Variants in DCAF6 observed in about 807,000 individuals in gnomAD.
DCAF6 encodes the protein DDB1- and CUL4-associated factor 6.
DCAF6 carries 54 observed loss-of-function variants against 125.1 expected under a neutral mutation model. That is an observed-to-expected ratio of 0.43 (90% CI 0.35 to 0.54). DCAF6 has a LOEUF of 0.54. DCAF6 is among the 20% of genes least tolerant of loss of function. The pLI is 0.01. For missense variants in DCAF6, 934 were observed against 1,161.7 expected (o/e 0.80, Z 2.85); for synonymous variants, 371 against 390.4 (o/e 0.95, Z 0.58).
intron 17 of DCAF6, 129 bp from the exon 18 acceptor site, chr1:168,063,492 G>T: frequency 1.5e-6 from 1 of 671,382 alleles, no homozygotes; most frequent in East Asian, 3.5e-5. Flanking sequence ...TTATGCTTTT[G>T]GTTGGGGGTG....
chr1:167,896,185 T>C, the DCAF6 span, among the ~76,000 whole-genome samples: 1 of 151,998 alleles, frequency 6.6e-6, no homozygotes, highest in African/African-American at 2.4e-5. Context: ...AGCACAGACA[T>C]CAAGGTGCTT....
At position 167,936,924 on chromosome 1, in the gene DCAF6, G is replaced by A. The variant is rs781123320; in HGVS notation, c.13G>A (p.Gly5Ser). MSRG[G>S]SYPHLLWDVR... ...CTCAGGCAGAGCCATGTCTCGGGGTGGCTCCTACCCACACCTGTTGTGGGA... is the reference window on the plus strand; with the variant it reads ...CTCAGGCAGAGCCATGTCTCGGGGTAGCTCCTACCCACACCTGTTGTGGGA... The change falls in exon 1 of 22, where the codon GGC becomes AGC. Residue 5 changes from glycine to serine, a missense_variant. Gly to Ser is a moderately conservative substitution (Grantham distance 56). Coordinates refer to ENST00000367840, the MANE Select transcript of DCAF6 (RefSeq NM_001198956.2). 3.7e-6 allele frequency: 6 copies of A among 1,606,298 alleles called. No individual in the cohort carries two copies. The Admixed American group carries it at 6.8e-5, about 18-fold the overall frequency.
chr1:167,909,760 A>G, the DCAF6 span, among the ~76,000 whole-genome samples: 3 of 152,166 alleles, frequency 2.0e-5, no homozygotes, highest in Admixed American at 1.3e-4. Context: ...CAGTTGCTAC[A>G]TATCTCAGCC....
intron 17 of DCAF6, among the ~76,000 whole-genome samples, chr1:168,058,565 T>C (rs1022204580): frequency 6.6e-6 from 1 of 152,062 alleles, no homozygotes; most frequent in African/African-American, 2.4e-5. Context: ...TGATCTGGTT[T>C]TTTGTTTGTT....
the DCAF6 span, among the ~76,000 whole-genome samples, chr1:167,879,344 T>C: frequency 6.6e-6 from 1 of 152,224 alleles, no homozygotes; most frequent in Non-Finnish European, 1.5e-5. Context: ...TTGTAAGCCT[T>C]CAATTAATAT....
chr1:168,018,429 G>C (rs891076133), intron 11 of DCAF6, among the ~76,000 whole-genome samples: 3 of 152,058 alleles, frequency 2.0e-5, no homozygotes, highest in Non-Finnish European at 4.4e-5. Flanking sequence ...AATTCCAATA[G>C]AAAGTATATA....
chr1:167,926,601 G>A, the DCAF6 span, among the ~76,000 whole-genome samples: 1 of 152,200 alleles, frequency 6.6e-6, no homozygotes, highest in African/African-American at 2.4e-5. Context: ...CCCCAACTGT[G>A]GTGCCCCAAC....
Position 168,075,419 on chromosome 1 carries a change from A to G in DCAF6, c.2840A>G (p.Asn947Ser). 1 of 1,600,714 alleles carries G rather than the reference A, an allele frequency of 6.2e-7. No homozygotes were observed. The highest frequency in any genetic ancestry group is 2.3e-5 in the East Asian group (1 of 44,126). The change falls in exon 22 of 22, where the codon AAT (asparagine) becomes AGT (serine). Residue 947 changes from asparagine to serine, a missense_variant. Coordinates refer to ENST00000367840, the MANE Select transcript of DCAF6 (RefSeq NM_001198956.2). The part of the protein sequence containing the change: ...RSEGSGQENE[N>S]EDEE ...GAAGGCTCTGGTCAAGAGAATGAAA[A>G]TGAGGATGAGGAATAATAAACTCTT...
At chr1:168,007,712 C>T (rs1026106491) in intron 10 of DCAF6, among the ~76,000 whole-genome samples, 8 of 151,986 alleles carry the variant, frequency 5.3e-5, no homozygotes, top group African/African-American at 1.7e-4. Context: ...AACTGTTGTT[C>T]GTGTTTCTTG....
intron 4 of DCAF6, 48 bp from the exon 5 acceptor site, chr1:167,987,447 C>T: frequency 1.1e-6 from 1 of 892,546 alleles, no homozygotes; most frequent in Non-Finnish European, 1.8e-6. Context: ...TCAGAGCCGT[C>T]TGTTTAAATG....
intron 5 of DCAF6, among the ~76,000 whole-genome samples, chr1:167,989,449 G>GA (rs897045503): frequency 3.9e-5 from 6 of 152,244 alleles, no homozygotes; most frequent in African/African-American, 1.4e-4. Flanking sequence ...AGAGTATAAA[G>GA]AAAAACTGGT....
intron 4 of DCAF6, among the ~76,000 whole-genome samples, chr1:167,978,374 C>T (rs1311311244): frequency 6.6e-6 from 1 of 152,172 alleles, no homozygotes; most frequent in South Asian, 2.1e-4. Context: ...TCTTTGCCAA[C>T]AGTTGGTATT....
intron 10 of DCAF6, among the ~76,000 whole-genome samples, chr1:168,011,271 A>G (rs1031531380): frequency 6.6e-6 from 1 of 151,954 alleles, no homozygotes; most frequent in Non-Finnish European, 1.5e-5. Flanking sequence ...ACATGCCACC[A>G]TGTCTGGCTA....
chr1:168,074,834 A>C (rs1287529473), intron 21 of DCAF6, among the ~76,000 whole-genome samples: 3 of 152,184 alleles, frequency 2.0e-5, no homozygotes, highest in Non-Finnish European at 2.9e-5. Flanking sequence ...AGCATACTGT[A>C]CTCACCAGTT....
rs139032648 is a variant in DCAF6, at chr1:167,941,659, T to A, written c.97+4651T>A. ...TTGAGGTTTGGAAAATTGTTCTAGATGGTGTGTAGTTCTTGTAATTTAATG... is the reference window on the plus strand; with the variant it reads ...TTGAGGTTTGGAAAATTGTTCTAGAAGGTGTGTAGTTCTTGTAATTTAATG... On this transcript the variant is annotated intron_variant, in intron 1 of 21. Coordinates refer to ENST00000367840, the MANE Select transcript of DCAF6 (RefSeq NM_001198956.2). Among the ~76,000 whole-genome samples, 3 of 152,258 alleles carry A rather than the reference T, an allele frequency of 2.0e-5. No homozygotes were observed. The East Asian group carries it at 5.8e-4, about 29-fold the overall frequency.
chr1:167,896,174 G>A, the DCAF6 span, among the ~76,000 whole-genome samples: 1 of 152,124 alleles, frequency 6.6e-6, no homozygotes, highest in Non-Finnish European at 1.5e-5. Flanking sequence ...AAGAGCAGGT[G>A]AGCACAGACA....
the DCAF6 span, chr1:167,918,465 T>A: frequency 1.4e-6 from 1 of 704,226 alleles, no homozygotes; most frequent in Non-Finnish European, 2.3e-6. Flanking sequence ...GGTGGTCAAG[T>A]AGCTATACAG....
the DCAF6 span, chr1:167,880,402 C>A: frequency 5.4e-5 from 59 of 1,082,648 alleles, no homozygotes; most frequent in East Asian, 1.2e-3. Context: ...TTAATTAATT[C>A]TTCTTTCTTT....
chr1:168,011,111 A>ATTTTT (rs370763073), intron 10 of DCAF6, among the ~76,000 whole-genome samples: 24 of 110,332 alleles, frequency 2.2e-4, no homozygotes, highest in African/African-American at 2.9e-4. Context: ...GACCATCAGA[A>ATTTTT]TTTTTTTTTT....
Sources: gnomAD v4.1 joint callset for allele counts (sites outside exome capture counted in the v4.1 genomes callset) on GRCh38, gnomAD v4.1.1 for gene constraint, MANE v1.5 for transcripts, NCBI Gene and HGNC (gene_info 2026-07-23, HGNC 2026-07-21) for gene names.